SYNE3: variants seen among roughly 807,000 people sequenced by gnomAD.
SYNE3 encodes the protein nesprin-3.
In SYNE3, 100 loss-of-function variants were observed where a neutral mutation model predicts 111.2. The ratio of observed to expected loss-of-function variants is 0.90; its 90% CI spans 0.77 to 1.06. SYNE3 has a LOEUF of 1.06. Among genes scored for constraint, SYNE3 ranks in the 50% least tolerant of loss-of-function variants. SYNE3 has a pLI of 0.00. For missense variants in SYNE3, 1,160 were observed against 1,240.3 expected (o/e 0.94, Z 0.97); for synonymous variants, 547 against 533.9 (o/e 1.02, Z -0.34).
At chr14:95,454,967 G>T (rs1232928519) in intron 6 of SYNE3, among the ~76,000 whole-genome samples, 1 of 152,096 alleles carries the variant, frequency 6.6e-6, no homozygotes, top group Non-Finnish European at 1.5e-5. Flanking sequence ...GCCCATGTTT[G>T]TTCCCCATGA....
chr14:95,514,732 T>C (rs1383880572), intron 1 of SYNE3, among the ~76,000 whole-genome samples: 1 of 152,194 alleles, frequency 6.6e-6, no homozygotes. Flanking sequence ...CAATCCAACT[T>C]GACTGCCCCA....
At chr14:95,503,200 T>A (rs1243786338) in intron 1 of SYNE3, among the ~76,000 whole-genome samples, 2 of 152,276 alleles carry the variant, frequency 1.3e-5, no homozygotes, top group Non-Finnish European at 2.9e-5. Context: ...CAACCATTTA[T>A]TATTAGCCTG....
chr14:95,423,021 G>A (rs558619604), intron 17 of SYNE3, among the ~76,000 whole-genome samples: 103 of 152,312 alleles, frequency 6.8e-4, no homozygotes, highest in African/African-American at 2.1e-3. Flanking sequence ...CCCTGCGTTC[G>A]CTCCCCGTAA....
intron 1 of SYNE3, among the ~76,000 whole-genome samples, chr14:95,512,426 T>C (rs1280181653): frequency 6.6e-6 from 1 of 152,166 alleles, no homozygotes; most frequent in East Asian, 1.9e-4. Flanking sequence ...TGGTGGCACA[T>C]GCCTGTAATC....
At chr14:95,455,297 C>A in intron 6 of SYNE3, 80 bp downstream of exon 6, 3 of 1,167,334 alleles carry the variant, frequency 2.6e-6, no homozygotes, top group Non-Finnish European at 3.5e-6. Flanking sequence ...CCCGATTCTC[C>A]ATCACAGAGG....
chr14:95,464,047 C>T (rs1164076456), intron 4 of SYNE3, among the ~76,000 whole-genome samples: 3 of 152,228 alleles, frequency 2.0e-5, no homozygotes, highest in Non-Finnish European at 4.4e-5. Flanking sequence ...AAGTCCCTTC[C>T]CAAGCGCCAG....
intron 11 of SYNE3, among the ~76,000 whole-genome samples, chr14:95,442,356 A>G (rs1179523429): frequency 6.6e-6 from 1 of 152,114 alleles, no homozygotes; most frequent in Non-Finnish European, 1.5e-5. Context: ...TCTCTTTTCT[A>G]TTTCCTGGGT....
chr14:95,508,427 T>C lies in SYNE3; in HGVS notation c.-15+8169A>G, dbSNP rs556005099. Among the ~76,000 whole-genome samples, 7 of 152,344 alleles carry C rather than the reference T, an allele frequency of 4.6e-5. No homozygotes were observed. In the East Asian group the frequency reaches 1.2e-3, roughly 25 times the overall value. On this transcript the variant is annotated intron_variant, in intron 1 of 17. Transcript: ENST00000682763. Reference sequence around the variant, plus strand: ...TTGAGCAGCTTTGATGGCTGGGCTCTGGACAGATAACAATCCCTGGCCTTA... The same window carrying C: ...TTGAGCAGCTTTGATGGCTGGGCTCCGGACAGATAACAATCCCTGGCCTTA...
chr14:95,449,773 G>A (rs973889074), intron 8 of SYNE3, among the ~76,000 whole-genome samples, 158 bp downstream of exon 8: 5 of 152,210 alleles, frequency 3.3e-5, no homozygotes, highest in African/African-American at 1.2e-4. Flanking sequence ...AAGCATGGAC[G>A]CTCCCTGTGC....
chr14:95,488,099 C>A (rs1181033618), intron 1 of SYNE3, among the ~76,000 whole-genome samples: 1 of 152,172 alleles, frequency 6.6e-6, no homozygotes, highest in Non-Finnish European at 1.5e-5. Context: ...ATATATACAA[C>A]ATACAAAGTA....
chr14:95,430,669 CA>C (rs1416865423), intron 17 of SYNE3, among the ~76,000 whole-genome samples: 1 of 151,994 alleles, frequency 6.6e-6, no homozygotes, highest in African/African-American at 2.4e-5. Flanking sequence ...ACTGAAAATA[CA>C]AAAATTAGCC....
At chr14:95,456,951 G>A (rs1326906908) in intron 5 of SYNE3, among the ~76,000 whole-genome samples, 1 of 152,054 alleles carries the variant, frequency 6.6e-6, no homozygotes, top group East Asian at 1.9e-4. Flanking sequence ...TGGGCATGGT[G>A]GCGGGTGCCT....
intron 6 of SYNE3, among the ~76,000 whole-genome samples, chr14:95,454,863 G>A (rs916134794): frequency 6.6e-6 from 1 of 152,112 alleles, no homozygotes; most frequent in African/African-American, 2.4e-5. Context: ...CGTATACCTC[G>A]GGGGAGGGCT....
rs1033515057 is a variant in SYNE3 at position 95,475,876 on chromosome 14, T to C, written c.-14-41A>G. On this transcript the variant is annotated intron_variant, in intron 1 of 17. Transcript: ENST00000682763. ...CAGATAAGGCCAACAGGCAGGAATG[T>C]AGGGGGCTGCAAAAAGACCCCCGGC... 5 of 1,401,160 alleles carry C rather than the reference T, an allele frequency of 3.6e-6. No homozygotes were observed. In the African/African-American group the frequency reaches 7.3e-5, roughly 20 times the overall value. 86.8% of individuals were successfully genotyped at this position (1,401,160 alleles called of 1,614,324 possible).
chr14:95,493,262 A>G (rs1456588035), intron 1 of SYNE3, among the ~76,000 whole-genome samples: 1 of 152,222 alleles, frequency 6.6e-6, no homozygotes, highest in Non-Finnish European at 1.5e-5. Flanking sequence ...ATTAGGTGCT[A>G]GTCAATATGC....
chr14:95,410,743 G>A lies in SYNE3; in HGVS notation c.*7083C>T, dbSNP rs574095772. The A allele has an allele frequency of 9.8e-5, 15 of 152,384 alleles. No individual in the cohort carries two copies. The highest frequency in any genetic ancestry group is 3.6e-4 in the African/African-American group (15 of 41,570). The allele number at this position is 152,384 out of a possible 1,614,324, so 9.4% of individuals were successfully genotyped here. A position where few individuals can be genotyped will look rare whatever the true frequency, so the allele number is the denominator to read the frequency against. Reference sequence around the variant, plus strand: ...ACTGGTTTAAGCCAAAGTTGGTCGGGGGAGGAGGGATTCTGTTACTCGTGG... The same window carrying A: ...ACTGGTTTAAGCCAAAGTTGGTCGGAGGAGGAGGGATTCTGTTACTCGTGG... On this transcript the variant is annotated 3_prime_UTR_variant, in exon 18 of 18. Transcript: ENST00000682763.
Position 95,452,360 on chromosome 14 carries a change from C to T in SYNE3, c.1161G>A (p.Ser387=), listed in dbSNP as rs922096725. 45 of 1,611,956 alleles carry T rather than the reference C, an allele frequency of 2.8e-5. No individual in the cohort carries two copies. The highest frequency in any genetic ancestry group is 1.6e-4 in the Middle Eastern group (1 of 6,072). ...RYSATRAALA[S]EEPRVDRLQA... ...GCAGCCGGTCCACCCGGGGCTCCTC[C>T]GAGGCCAGCGCCGCCCGTGTTGCCT... Residue 387 remains serine, a synonymous_variant, in exon 7 of 18, where the codon TCG becomes TCA. Transcript: ENST00000682763.
intron 1 of SYNE3, among the ~76,000 whole-genome samples, chr14:95,486,646 C>G (rs28648940): frequency 6.6e-6 from 1 of 152,158 alleles, no homozygotes. Context: ...CATGGACAGA[C>G]GCTTTTAAAG....
intron 16 of SYNE3, among the ~76,000 whole-genome samples, chr14:95,432,505 G>A (rs1356004610): frequency 6.6e-6 from 1 of 152,178 alleles, no homozygotes; most frequent in Non-Finnish European, 1.5e-5. Context: ...CAGACTTAGG[G>A]ACCTAGGAAA....
Sources: allele counts gnomAD v4.1 joint callset (sites outside exome capture counted in the v4.1 genomes callset), GRCh38; gene constraint gnomAD v4.1.1; transcripts MANE v1.5; gene names NCBI Gene and HGNC (gene_info 2026-07-23, HGNC 2026-07-21).